Variants in ME3 observed in about 807,000 individuals in gnomAD.
The protein encoded by ME3 is malic enzyme 3.
In ME3, 48 loss-of-function variants were observed where a neutral mutation model predicts 68.9. That is an observed-to-expected ratio of 0.70 (90% confidence interval 0.55 to 0.89). The LOEUF (loss-of-function observed/expected upper bound fraction) is 0.89. Among genes scored for constraint, ME3 ranks in the 40% least tolerant of loss-of-function variants. The probability of loss-of-function intolerance (pLI) is 0.00; values close to 1 mark genes in which losing one functional copy is unlikely to be tolerated. For synonymous variants in ME3, 320 were observed against 318.8 expected (o/e 1.00, Z -0.04); for missense variants, 675 against 797.4 (o/e 0.85, Z 1.85).
At chr11:86,648,671 A>C (rs183363606) in intron 2 of ME3, among the ~76,000 whole-genome samples, 16 of 152,328 alleles carry the variant, frequency 1.1e-4, no homozygotes, top group Non-Finnish European at 1.9e-4. Context: ...ATCCCAAAGA[A>C]ATACAAACTA....
intron 8 of ME3, among the ~76,000 whole-genome samples, chr11:86,459,772 T>C (rs1236286274): frequency 1.3e-5 from 2 of 152,210 alleles, no homozygotes; most frequent in African/African-American, 2.4e-5. Flanking sequence ...TTGTTAAGCA[T>C]TGGACTCACA....
At chr11:86,558,575 G>C (rs1027670642) in intron 3 of ME3, among the ~76,000 whole-genome samples, 1 of 152,134 alleles carries the variant, frequency 6.6e-6, no homozygotes, top group African/African-American at 2.4e-5. Context: ...GCTGAGCTCT[G>C]CTCCTAGGGG....
chr11:86,484,090 C>T (rs529556259), intron 7 of ME3, among the ~76,000 whole-genome samples: 2 of 152,232 alleles, frequency 1.3e-5, no homozygotes, highest in South Asian at 4.1e-4. Flanking sequence ...TCTGTCCTGG[C>T]AGGTTCTCCT....
At chr11:86,599,384 G>C (rs1470546058) in intron 2 of ME3, among the ~76,000 whole-genome samples, 1 of 152,178 alleles carries the variant, frequency 6.6e-6, no homozygotes, top group South Asian at 2.1e-4. Context: ...AATGAAGCGA[G>C]AAGGGAAGTT....
chr11:86,536,743 C>G (rs1388341893), intron 4 of ME3, among the ~76,000 whole-genome samples: 2 of 150,442 alleles, frequency 1.3e-5, no homozygotes, highest in East Asian at 3.9e-4. Flanking sequence ...CCTCAGGGAT[C>G]TAGATCTAGA....
intron 4 of ME3, among the ~76,000 whole-genome samples, chr11:86,525,228 A>G (rs1954644641): frequency 1.3e-5 from 2 of 152,228 alleles, no homozygotes. Flanking sequence ...CCAATAGAGC[A>G]GTGACAATTA....
At position 86,532,834 on chromosome 11, in the gene ME3, C is replaced by T. The variant is rs140517726; in HGVS notation, c.467+23719G>A. ...CAGCATTTTGGGAGACCAAGGTGGG[C>T]GGATCAACTGAGGTCAGGAGTTCCA... On this transcript the variant is annotated intron_variant, in intron 4 of 14. Transcript: ENST00000543262. 5.4e-3 allele frequency among the ~76,000 whole-genome samples: 822 copies of T among 152,252 alleles called. 4 individuals carry two copies. The highest frequency in any genetic ancestry group is 0.018 in the African/African-American group (767 of 41,550).
At chr11:86,607,452 G>GTTTT (rs146485846) in intron 2 of ME3, among the ~76,000 whole-genome samples, 8 of 133,536 alleles carry the variant, frequency 6.0e-5, no homozygotes, top group African/African-American at 2.2e-4. Flanking sequence ...GAGAGGCATA[G>GTTTT]TTTTTTTTTT....
At chr11:86,647,730 A>G (rs954734397) in intron 2 of ME3, among the ~76,000 whole-genome samples, 1 of 152,242 alleles carries the variant, frequency 6.6e-6, no homozygotes, top group Non-Finnish European at 1.5e-5. Flanking sequence ...ATATGCACCC[A>G]GTACAGGAGC....
chr11:86,639,210 C>G (rs1363581112), intron 2 of ME3, among the ~76,000 whole-genome samples: 1 of 152,154 alleles, frequency 6.6e-6, no homozygotes, highest in Admixed American at 6.5e-5. Flanking sequence ...ATATTCTTGC[C>G]TGTCTGAAAA....
At chr11:86,642,111 T>C (rs1219962381) in intron 2 of ME3, among the ~76,000 whole-genome samples, 1 of 152,248 alleles carries the variant, frequency 6.6e-6, no homozygotes, top group African/African-American at 2.4e-5. Context: ...GAAAGGTTCA[T>C]GTTGCATGAA....
At chr11:86,477,834 A>T (rs911631680) in intron 7 of ME3, among the ~76,000 whole-genome samples, 1 of 152,084 alleles carries the variant, frequency 6.6e-6, no homozygotes, top group Non-Finnish European at 1.5e-5. Context: ...ATGCATTTTG[A>T]TAGTCTCCTA....
intron 7 of ME3, among the ~76,000 whole-genome samples, chr11:86,474,315 G>C (rs144814505): frequency 6.6e-6 from 1 of 152,176 alleles, no homozygotes; most frequent in Non-Finnish European, 1.5e-5. Context: ...CAGCTCTGAC[G>C]GCAAGTCTTG....
intron 7 of ME3, among the ~76,000 whole-genome samples, chr11:86,467,506 T>C (rs937591492): frequency 6.6e-6 from 1 of 152,280 alleles, no homozygotes; most frequent in African/African-American, 2.4e-5. Context: ...GAACACAATG[T>C]CTTTGGTTGC....
chr11:86,628,605 A>ATACTATGAGGT (rs1481322163), intron 2 of ME3, among the ~76,000 whole-genome samples: 1 of 152,156 alleles, frequency 6.6e-6, no homozygotes, highest in Admixed American at 6.5e-5. Flanking sequence ...GTCCTCATAG[A>ATACTATGAGGT]CTATTTGATA....
intron 7 of ME3, among the ~76,000 whole-genome samples, chr11:86,465,871 C>T (rs925567767): frequency 6.6e-6 from 1 of 152,198 alleles, no homozygotes; most frequent in Non-Finnish European, 1.5e-5. Context: ...GCCCATCTCA[C>T]AGAGTCTCAC....
chr11:86,547,767 A>G (rs1472987508), intron 4 of ME3, among the ~76,000 whole-genome samples: 1 of 152,152 alleles, frequency 6.6e-6, no homozygotes, highest in Non-Finnish European at 1.5e-5. Context: ...TATCTGAGGA[A>G]TGGTCCACTC....
chr11:86,633,780 G>T (rs1289771695), intron 2 of ME3, among the ~76,000 whole-genome samples: 1 of 152,188 alleles, frequency 6.6e-6, no homozygotes, highest in Non-Finnish European at 1.5e-5. Context: ...TTCACAGACA[G>T]AAGCATCTAC....
chr11:86,671,946 G>C, exon 2 of ME3: 1 of 1,414,070 alleles, frequency 7.1e-7, no homozygotes, highest in Non-Finnish European at 9.2e-7. Flanking sequence ...GGCACCCATG[G>C]TCCTTGGCAG....
Sources: gnomAD v4.1 joint callset for allele counts (sites outside exome capture counted in the v4.1 genomes callset) on GRCh38, gnomAD v4.1.1 for gene constraint, MANE v1.5 for transcripts, NCBI Gene and HGNC (gene_info 2026-07-23, HGNC 2026-07-21) for gene names.